The following BBS9 variants were observed in gnomAD, a reference collection of about 807,000 sequenced individuals.
The protein encoded by BBS9 is Bardet-Biedl syndrome 9.
Under a neutral mutation model 117.7 loss-of-function variants are expected in BBS9, and 89 were observed. The ratio of observed to expected loss-of-function variants is 0.76; its 90% CI spans 0.64 to 0.90. BBS9 has a LOEUF of 0.90. BBS9 is among the 40% of genes least tolerant of loss of function. BBS9 has a pLI of 0.00. For synonymous variants in BBS9, 379 were observed against 370.9 expected (o/e 1.02, Z -0.25); for missense variants, 982 against 1,042.2 (o/e 0.94, Z 0.80).
intron 19 of BBS9, among the ~76,000 whole-genome samples, chr7:33,450,825 C>T (rs1837695869): frequency 6.6e-6 from 1 of 150,624 alleles, no homozygotes; most frequent in Non-Finnish European, 1.5e-5. Context: ...TTATAGGTTG[C>T]CATTTCATTT....
At chr7:33,164,942 G>A (rs1562712705) in intron 4 of BBS9, among the ~76,000 whole-genome samples, 2 of 152,130 alleles carry the variant, frequency 1.3e-5, no homozygotes, top group Non-Finnish European at 2.9e-5. Context: ...TTTACAATTT[G>A]GCGTGTTTTT....
At chr7:33,622,393 T>C (rs1434460958) in intron 21 of BBS9, among the ~76,000 whole-genome samples, 1 of 152,068 alleles carries the variant, frequency 6.6e-6, no homozygotes, top group Non-Finnish European at 1.5e-5. Context: ...AGTTAAACAT[T>C]GTGACTATAG....
intron 6 of BBS9, among the ~76,000 whole-genome samples, chr7:33,258,835 A>T (rs959601104): frequency 6.6e-6 from 1 of 152,238 alleles, no homozygotes. Flanking sequence ...TAGAGAAGTA[A>T]TGTGTAGATT....
intron 20 of BBS9, among the ~76,000 whole-genome samples, chr7:33,516,216 C>T (rs535534557): frequency 2.0e-5 from 3 of 152,140 alleles, no homozygotes; most frequent in East Asian, 3.9e-4. Context: ...ATAGGCCGGG[C>T]GCGGTGGCTC....
At chr7:33,369,018 T>G (rs1359885731) in intron 17 of BBS9, among the ~76,000 whole-genome samples, 4 of 152,274 alleles carry the variant, frequency 2.6e-5, no homozygotes, top group South Asian at 4.1e-4. Context: ...TGGCATCATT[T>G]TTTAAAAAAC....
At chr7:33,481,277 G>A (rs1398155515) in intron 19 of BBS9, among the ~76,000 whole-genome samples, 1 of 152,084 alleles carries the variant, frequency 6.6e-6, no homozygotes, top group African/African-American at 2.4e-5. Flanking sequence ...TTGATGAAGA[G>A]GCTAATATAG....
chr7:33,417,378 T>C (rs1832181227), intron 19 of BBS9, among the ~76,000 whole-genome samples: 1 of 152,220 alleles, frequency 6.6e-6, no homozygotes, highest in South Asian at 2.1e-4. Context: ...TTCATTTAAG[T>C]TGGATACTTC....
At chr7:33,582,622 G>T (rs1860167394) in intron 21 of BBS9, among the ~76,000 whole-genome samples, 1 of 151,818 alleles carries the variant, frequency 6.6e-6, no homozygotes, top group East Asian at 1.9e-4. Context: ...TGCCCTTCAG[G>T]TTCTATTTCT....
intron 19 of BBS9, among the ~76,000 whole-genome samples, chr7:33,410,000 A>G (rs1207816039): frequency 1.3e-5 from 2 of 151,982 alleles, no homozygotes; most frequent in South Asian, 2.1e-4. Flanking sequence ...TAGGAGTGCT[A>G]TGATTAAACC....
At chr7:33,159,919 A>C (rs1445540340) in intron 4 of BBS9, among the ~76,000 whole-genome samples, 1 of 152,216 alleles carries the variant, frequency 6.6e-6, no homozygotes, top group East Asian at 1.9e-4. Flanking sequence ...AAAATTAAAT[A>C]GATCAAAGAA....
At chr7:33,439,729 A>G (rs766055597) in intron 19 of BBS9, among the ~76,000 whole-genome samples, 7 of 152,084 alleles carry the variant, frequency 4.6e-5, no homozygotes. Flanking sequence ...GGGTTTCACC[A>G]TGTTGACCAG....
intron 19 of BBS9, among the ~76,000 whole-genome samples, chr7:33,498,227 G>A (rs893944558): frequency 1.3e-5 from 2 of 152,016 alleles, no homozygotes; most frequent in African/African-American, 4.8e-5. Flanking sequence ...ATATGATATG[G>A]CCATTAATAT....
At chr7:33,341,998 G>C (rs1165488051) in intron 11 of BBS9, among the ~76,000 whole-genome samples, 1 of 152,052 alleles carries the variant, frequency 6.6e-6, no homozygotes, top group Non-Finnish European at 1.5e-5. Context: ...GATCAATTTA[G>C]GGAAGTGGTT....
At chr7:33,326,036 A>G (rs533871892) in intron 9 of BBS9, among the ~76,000 whole-genome samples, 117 of 152,142 alleles carry the variant, frequency 7.7e-4, no homozygotes, top group African/African-American at 2.7e-3. Flanking sequence ...ACAATCATCA[A>G]GTGGTAAAGC....
rs934675640 is a variant in BBS9 at position 33,157,349 on chromosome 7, T to G, written c.328+1647T>G. ...AGTGTTGAAAATGAAAGTTATTTGC[T>G]ATGGGAATGGTGATTTTATAGCTCT... On this transcript the variant is annotated intron_variant, in intron 4 of 22. Coordinates refer to ENST00000242067, the MANE Select transcript of BBS9 (RefSeq NM_198428.3). Among the ~76,000 whole-genome samples, 3 of 152,368 alleles carry G rather than the reference T, an allele frequency of 2.0e-5. No individual in the cohort carries two copies. The South Asian group carries it at 6.2e-4, about 32-fold the overall frequency.
In BBS9 at chr7:33,129,578, G is replaced by A. The variant is rs1789262272; in HGVS notation, c.-475G>A. 1 of 155,220 alleles carries A rather than the reference G, an allele frequency of 6.4e-6. No individual in the cohort carries two copies. The highest frequency in any genetic ancestry group is 2.4e-5 in the African/African-American group (1 of 41,682). The allele number at this position is 155,220 out of a possible 1,614,324, so 9.6% of individuals were successfully genotyped here. A position where few individuals can be genotyped will look rare whatever the true frequency, so the allele number is the denominator to read the frequency against. On this transcript the variant is annotated 5_prime_UTR_variant, in exon 1 of 23. Coordinates refer to ENST00000242067, the MANE Select transcript of BBS9 (RefSeq NM_198428.3). ...GTAAGTGCTATGACAACAGGGCGAA[G>A]ATGGCTCAGAGTTAGGCTGGAGAGG... is the stretch of plus-strand genomic sequence containing the variant.
At chr7:33,615,382 T>A (rs776973137) in intron 21 of BBS9, among the ~76,000 whole-genome samples, 1 of 152,052 alleles carries the variant, frequency 6.6e-6, no homozygotes, top group Non-Finnish European at 1.5e-5. Flanking sequence ...AAATGGGCAA[T>A]GTAAACAGAG....
chr7:33,501,688 T>A (rs180969810), intron 19 of BBS9, among the ~76,000 whole-genome samples: 5 of 152,286 alleles, frequency 3.3e-5, no homozygotes, highest in Admixed American at 3.3e-4. Context: ...TGTAAAAGCA[T>A]CCTTTAAGTC....
At chr7:33,381,106 A>G (rs954073558) in intron 17 of BBS9, among the ~76,000 whole-genome samples, 2 of 152,208 alleles carry the variant, frequency 1.3e-5, no homozygotes, top group Non-Finnish European at 2.9e-5. Context: ...TGAGGCAGCC[A>G]TGAGCATCTA....
Sources: allele counts gnomAD v4.1 joint callset (sites outside exome capture counted in the v4.1 genomes callset), GRCh38; gene constraint gnomAD v4.1.1; transcripts MANE v1.5; gene names NCBI Gene and HGNC (gene_info 2026-07-23, HGNC 2026-07-21).